The following LPCAT3 variants were observed in gnomAD, a reference collection of about 807,000 sequenced individuals.
LPCAT3 encodes lysophospholipid acyltransferase 5.
Under a neutral mutation model 63.4 loss-of-function variants are expected in LPCAT3, and 21 were observed. The observed-to-expected ratio is 0.33, with a 90% confidence interval of 0.23 to 0.48. LPCAT3 has a LOEUF of 0.48. Ranked by LOEUF, LPCAT3 falls within the 20% of genes least tolerant of loss-of-function variation. LPCAT3 has a pLI of 0.99. For synonymous variants in LPCAT3, 242 were observed against 227.5 expected, an observed-to-expected ratio of 1.06 and a Z score of -0.58; for missense variants, 451 against 590.6, an observed-to-expected ratio of 0.76 and a Z score of 2.45.
At chr12:6,981,716 T>C in intron 4 of LPCAT3, 84 bp from the exon 5 acceptor site, 1 of 1,321,340 alleles carries the variant, frequency 7.6e-7, no homozygotes, top group Non-Finnish European at 1.1e-6. Flanking sequence ...GCCAGAAGTG[T>C]ATGGCGGGGG....
Position 6,981,038 on chromosome 12 carries a change from C to G in LPCAT3, c.643G>C (p.Glu215Gln). 1.9e-6 allele frequency: 3 copies of G among 1,607,902 alleles called. No homozygotes were observed. The African/African-American group carries it at 4.0e-5, about 22-fold the overall frequency. The change falls in exon 6 of 13, where the codon GAG becomes CAG. Residue 215 changes from glutamate to glutamine, a missense_variant. Glu to Gln is a conservative substitution (Grantham distance 29). Around this residue, in one of 3 missense-constraint regions of LPCAT3, gnomAD observed 304 missense variants for 390.8 expected, o/e 0.78. Transcript: ENST00000261407. ...MNHYMKLVQG[E>Q]LIDIPGKIPN... ...ATCTTTCCTGGTATGTCAATCAGCTCTCCCTGCACCAGCTTCATGTAGTGA... is the reference window on the plus strand; with the variant it reads ...ATCTTTCCTGGTATGTCAATCAGCTGTCCCTGCACCAGCTTCATGTAGTGA...
Position 6,977,100 on chromosome 12 carries a change from TG to T in LPCAT3, c.*12+33del. The stretch of plus-strand genomic sequence containing the variant: ...CAGTCTGTTGCTCTATTCTGTAACC[TG>T]GTGGTAGTTTTAGTTTAGCTGTATT... On this transcript the variant is annotated intron_variant, in intron 12 of 12. Transcript: ENST00000261407. This position sits in a 1 kb window ranked among gnomAD's most constrained non-coding sequence, Gnocchi z 4.5. 7.9e-7 allele frequency: 1 copy of T among 1,266,478 alleles called. No homozygotes were observed. The highest frequency in any genetic ancestry group is 1.2e-6 in the Non-Finnish European group (1 of 864,698). 78.5% of individuals were successfully genotyped at this position (1,266,478 alleles called of 1,614,324 possible).
intron 1 of LPCAT3, among the ~76,000 whole-genome samples, chr12:7,007,188 C>T (rs916874079): frequency 4.6e-5 from 7 of 151,586 alleles, no homozygotes; most frequent in Admixed American, 2.0e-4. Flanking sequence ...GGATTACAAG[C>T]GCCTGCCACC....
In LPCAT3 at chr12:6,977,512, A is replaced by G. The variant is rs1378316260; in HGVS notation, c.1202T>C (p.Ile401Thr). The change falls in exon 11 of 13, where the codon ATT (isoleucine) becomes ACT (threonine). Residue 401 changes from isoleucine (I) to threonine (T), a missense_variant. Ile to Thr is a moderately conservative substitution (Grantham distance 89). Around this residue, in one of 3 missense-constraint regions of LPCAT3, gnomAD observed 304 missense variants for 390.8 expected, o/e 0.78. Transcript: ENST00000261407. This position sits in a 1 kb window ranked among gnomAD's most constrained non-coding sequence, Gnocchi z 4.5. Reference protein sequence around the residue: ...VIVERQAARLIQESPTLSKLA... With the variant: ...VIVERQAARLTQESPTLSKLA... ...CTTGCTCAGGGTGGGGCTCTCTTGA[A>G]TGAGCCTGGCAGCCTGGGGAGGGAG... The G allele has an allele frequency of 2.5e-6, 4 of 1,614,062 alleles. No individual in the cohort carries two copies. The highest frequency in any genetic ancestry group is 1.7e-5 in the Admixed American group (1 of 60,000).
chr12:6,982,966 AT>A, intron 2 of LPCAT3, 184 bp from the exon 3 acceptor site: 1 of 669,800 alleles, frequency 1.5e-6, no homozygotes, highest in Non-Finnish European at 2.7e-6. Context: ...TTAGGGTGTT[AT>A]TTTATTTCTT....
chr12:6,992,796 G>A (rs1555155641), intron 1 of LPCAT3, among the ~76,000 whole-genome samples: 1 of 152,026 alleles, frequency 6.6e-6, no homozygotes, highest in Non-Finnish European at 1.5e-5. Context: ...GTCCATGAAG[G>A]ATTGGTTCTA....
At chr12:7,016,616 G>C (rs782519041) in intron 1 of LPCAT3, among the ~76,000 whole-genome samples, 1 of 152,228 alleles carries the variant, frequency 6.6e-6, no homozygotes, top group African/African-American at 2.4e-5. Context: ...GCCCAGGCTG[G>C]CCTCAAGCGT....
In LPCAT3 at chr12:6,977,483, C is replaced by T. The variant is rs1946419219; in HGVS notation, c.1231G>A (p.Ala411Thr). The T allele has an allele frequency of 1.9e-6, 3 of 1,614,084 alleles. No individual in the cohort carries two copies. The highest frequency in any genetic ancestry group is 1.3e-5 in the African/African-American group (1 of 74,936). ...AAGGGCTGGAGGACAGTAATGGCGG[C>T]CAGCTTGCTCAGGGTGGGGCTCTCT... ...IQESPTLSKLAAITVLQPFYY... is the reference protein window; with the variant it reads ...IQESPTLSKLTAITVLQPFYY... Residue 411 changes from alanine (A) to threonine (T), a missense_variant, in exon 11 of 13, where the codon GCC becomes ACC. Coordinates refer to ENST00000261407, the MANE Select transcript of LPCAT3 (RefSeq NM_005768.6). The surrounding 1 kb of genome is among the most constrained non-coding windows in gnomAD (Gnocchi z 4.5).
At chr12:6,991,124 T>G (rs1257884645) in intron 1 of LPCAT3, among the ~76,000 whole-genome samples, 3 of 152,186 alleles carry the variant, frequency 2.0e-5, no homozygotes, top group African/African-American at 7.2e-5. Flanking sequence ...TTCATAAATT[T>G]ATGGCCTCTG....
At chr12:7,004,653 G>A (rs1264545594) in intron 1 of LPCAT3, among the ~76,000 whole-genome samples, 1 of 152,038 alleles carries the variant, frequency 6.6e-6, no homozygotes, top group Non-Finnish European at 1.5e-5. Context: ...ACATACCCAG[G>A]GTCATTCATG....
chr12:6,981,309 G>T, intron 5 of LPCAT3, 127 bp from the exon 6 acceptor site: 1 of 779,586 alleles, frequency 1.3e-6, no homozygotes, highest in Non-Finnish European at 2.1e-6. Context: ...TTTGGGGGAT[G>T]ACAAATAGTT....
At chr12:6,983,406 T>C (rs1202664539) in intron 2 of LPCAT3, 26 bp downstream of exon 2, 2 of 1,449,716 alleles carry the variant, frequency 1.4e-6, no homozygotes, top group Non-Finnish European at 1.9e-6. Flanking sequence ...CTAATTGCGG[T>C]GTCACTGCTA....
At chr12:7,015,933 C>T (rs1555157569) in intron 1 of LPCAT3, among the ~76,000 whole-genome samples, 4 of 152,226 alleles carry the variant, frequency 2.6e-5, no homozygotes, top group South Asian at 2.1e-4. Flanking sequence ...TGTCAACAAA[C>T]AAAAGTTGAA....
Position 6,977,279 on chromosome 12 carries a change from C to T in LPCAT3, c.1348-17G>A. The T allele has an allele frequency of 1.2e-6, 2 of 1,611,456 alleles. No individual in the cohort carries two copies. Among genetic ancestry groups the T allele is most frequent in the Admixed American group, 1.7e-5 (1 of 60,016 alleles). On this transcript the variant is annotated splice_polypyrimidine_tract_variant and intron_variant, in intron 11 of 12. Transcript: ENST00000261407. This position sits in a 1 kb window ranked among gnomAD's most constrained non-coding sequence, Gnocchi z 4.5. ...TTTATACACCTGTGGAGAGAGAGGC[C>T]ACTAAGGTAGACAGGCCTGGAGTGT... is the stretch of plus-strand genomic sequence containing the variant.
chr12:6,980,039 T>TTTTTTTG, intron 6 of LPCAT3: 1 of 154,298 alleles, frequency 6.5e-6, no homozygotes, highest in East Asian at 1.9e-4. Flanking sequence ...TTTTTTTTTT[T>TTTTTTTG]TTTACCATTT....
intron 1 of LPCAT3, among the ~76,000 whole-genome samples, chr12:7,011,673 GAAAGAA>G (rs1946765529): frequency 1.4e-5 from 2 of 143,246 alleles, no homozygotes; most frequent in South Asian, 2.2e-4. Context: ...AAAAAAGAAA[GAAAGAA>G]AAAGAAATTC....
In LPCAT3 at chr12:7,004,119, C is replaced by T. The variant is rs146794634; in HGVS notation, c.151+14155G>A. 2.6e-3 allele frequency among the ~76,000 whole-genome samples: 390 copies of T among 152,084 alleles called. 1 individual carries two copies. The highest frequency in any genetic ancestry group is 8.8e-3 in the African/African-American group (367 of 41,488). ...TATATTTGTGAAGATATAGAAAACC[C>T]GTTTTATGGCTAAAAATCATCATTT... On this transcript the variant is annotated intron_variant, in intron 1 of 12. Coordinates refer to ENST00000261407, the MANE Select transcript of LPCAT3 (RefSeq NM_005768.6).
chr12:7,017,254 G>A lies in LPCAT3; in HGVS notation c.151+1020C>T, dbSNP rs1285213357. On this transcript the variant is annotated intron_variant, in intron 1 of 12. Coordinates refer to ENST00000261407, the MANE Select transcript of LPCAT3 (RefSeq NM_005768.6). This position sits in a 1 kb window ranked among gnomAD's most constrained non-coding sequence, Gnocchi z 4.1. The stretch of plus-strand genomic sequence containing the variant: ...TAAAGTTCTATAACCTTCATAAAAC[G>A]TTCCAACTGCTTAAATTTTATGTAT... Among the ~76,000 whole-genome samples the A allele has an allele frequency of 6.6e-6, 1 of 152,042 alleles. No individual in the cohort carries two copies. The highest frequency in any genetic ancestry group is 2.1e-4 in the South Asian group (1 of 4,816).
chr12:7,015,749 G>A (rs951475477), intron 1 of LPCAT3, among the ~76,000 whole-genome samples: 4 of 152,108 alleles, frequency 2.6e-5, no homozygotes, highest in East Asian at 1.9e-4. Flanking sequence ...AAGGGGGCTC[G>A]GGAGTGTGGT....
Sources: allele counts gnomAD v4.1 joint callset (sites outside exome capture counted in the v4.1 genomes callset), GRCh38; gene constraint gnomAD v4.1.1; regional missense constraint gnomAD v4.1.1; non-coding constraint Gnocchi (gnomAD v3.1); transcripts MANE v1.5; gene names NCBI Gene and HGNC (gene_info 2026-07-23, HGNC 2026-07-21).